Variants in MPRIP observed in about 807,000 individuals in gnomAD.
MPRIP encodes myosin phosphatase Rho-interacting protein.
A neutral mutation model predicts 234.9 loss-of-function variants in MPRIP; 59 were observed. That is an observed-to-expected ratio of 0.25 (90% confidence interval 0.20 to 0.31). The LOEUF is 0.31. MPRIP is among the 10% of genes least tolerant of loss of function. MPRIP has a pLI of 1.00. For missense variants in MPRIP, 2,436 were observed against 3,071.0 expected (o/e 0.79, Z 4.89); for synonymous variants, 1,144 against 1,263.9 (o/e 0.91, Z 2.01).
At chr17:17,173,807 G>C (rs777758891) in intron 18 of MPRIP, 109 bp from the exon 19 acceptor site, 11 of 1,283,284 alleles carry the variant, frequency 8.6e-6, no homozygotes, top group Non-Finnish European at 1.1e-5. Flanking sequence ...ACAACAGACT[G>C]TGTGGGCCTG....
rs983203972 is a variant in MPRIP at position 17,167,294 on chromosome 17, G to C, written c.5703G>C (p.Glu1901Asp). The C allele has an allele frequency of 7.7e-7, 1 of 1,304,076 alleles. No homozygotes were observed. The highest frequency in any genetic ancestry group is 1.2e-5 in the South Asian group (1 of 81,032). The allele number at this position is 1,304,076 out of a possible 1,614,324, so 80.8% of individuals were successfully genotyped here. A position where few individuals can be genotyped will look rare whatever the true frequency, so the allele number is the denominator to read the frequency against. Residue 1901 changes from glutamate (E) to aspartate (D), a missense_variant, in exon 16 of 24, where the codon GAG (glutamate) becomes GAC (aspartate). Physicochemically the swap from Glu to Asp is conservative, Grantham distance 45. Coordinates refer to ENST00000651222, the MANE Select transcript of MPRIP (RefSeq NM_001364716.4). This position sits in a 1 kb window ranked among gnomAD's most constrained non-coding sequence, Gnocchi z 5.9. ...YEELLRKQKS[E>D]YLDVIAIVER... is the part of the protein sequence containing the mutation. ...AGCTTCTCCGCAAGCAGAAGAGCGA[G>C]TACCTGGATGTGATCGCCATTGTTG...
In MPRIP at chr17:17,158,377, G is replaced by C; in HGVS notation, c.1830-55G>C. On this transcript the variant is annotated intron_variant, in intron 13 of 23. Transcript: ENST00000651222. Reference sequence around the variant, plus strand: ...GCTCAGCATTGCCAGCTTCTGCCTGGCAGGCCACACCAGAGCCGCCCCTGA... The same window carrying C: ...GCTCAGCATTGCCAGCTTCTGCCTGCCAGGCCACACCAGAGCCGCCCCTGA... 2.1e-6 allele frequency: 3 copies of C among 1,458,128 alleles called. No homozygotes were observed. The South Asian group carries it at 4.2e-5, about 20-fold the overall frequency. 90.3% of individuals were successfully genotyped at this position (1,458,128 alleles called of 1,614,324 possible).
intron 19 of MPRIP, among the ~76,000 whole-genome samples, chr17:17,174,786 G>A (rs1306386321): frequency 4.1e-5 from 6 of 146,748 alleles, no homozygotes; most frequent in Admixed American, 3.4e-4. Flanking sequence ...GTGACAGAGC[G>A]AGACTCCGTC....
chr17:17,130,626 G>A (rs1188107604), intron 4 of MPRIP, among the ~76,000 whole-genome samples: 1 of 152,030 alleles, frequency 6.6e-6, no homozygotes, highest in Non-Finnish European at 1.5e-5. Context: ...GCCCAGCGTG[G>A]ACCCTGGTGC....
chr17:17,143,439 G>A, intron 8 of MPRIP, 117 bp from the exon 9 acceptor site: 1 of 595,926 alleles, frequency 1.7e-6, no homozygotes, highest in South Asian at 2.8e-5. Context: ...GCAGATCACT[G>A]CCCCTCGCCA....
rs979838642 is a variant in MPRIP at position 17,176,598 on chromosome 17, C to T, written c.6957+86C>T. On this transcript the variant is annotated intron_variant, in intron 21 of 23. Coordinates refer to ENST00000651222, the MANE Select transcript of MPRIP (RefSeq NM_001364716.4). ...CCTGAACTCAGGCTGGTGCTCAGCG[C>T]GGGCTCTTCTGAAGCAGATTTTACT... 58 of 1,058,524 alleles carry T rather than the reference C, an allele frequency of 5.5e-5. 1 individual carries two copies. The highest frequency in any genetic ancestry group is 1.9e-4 in the East Asian group (8 of 42,114). 65.6% of individuals were successfully genotyped at this position (1,058,524 alleles called of 1,614,324 possible). A position where few individuals can be genotyped will look rare whatever the true frequency, so the allele number is the denominator to read the frequency against.
intron 1 of MPRIP, among the ~76,000 whole-genome samples, chr17:17,069,929 A>G (rs1213181173): frequency 6.6e-6 from 1 of 152,138 alleles, no homozygotes; most frequent in East Asian, 1.9e-4. Context: ...CCATTTTGCT[A>G]GGGGTAAGTC....
At chr17:17,143,814 C>G (rs1426398059) in intron 9 of MPRIP, 145 bp downstream of exon 9, 1 of 462,360 alleles carries the variant, frequency 2.2e-6, no homozygotes, top group African/African-American at 2.0e-5. Flanking sequence ...CACCCACCGA[C>G]CCACAGGCCG....
At chr17:17,053,362 A>G (rs1466984753) in intron 1 of MPRIP, among the ~76,000 whole-genome samples, 2 of 152,142 alleles carry the variant, frequency 1.3e-5, no homozygotes, top group Non-Finnish European at 2.9e-5. Flanking sequence ...TTGGGTCCTG[A>G]TGAGGATGCA....
chr17:17,167,325 G>A lies in MPRIP; in HGVS notation c.5734G>A (p.Glu1912Lys), dbSNP rs1312571699. 5 of 1,304,108 alleles carry A rather than the reference G, an allele frequency of 3.8e-6. No homozygotes were observed. Among genetic ancestry groups the A allele is most frequent in the Middle Eastern group, 2.1e-4 (1 of 4,698 alleles). 80.8% of individuals were successfully genotyped at this position (1,304,108 alleles called of 1,614,324 possible). The change falls in exon 16 of 24, where the codon GAG (glutamate) becomes AAG (lysine). Residue 1912 changes from glutamate to lysine, a missense_variant. Around this residue, in one of 4 missense-constraint regions of MPRIP, gnomAD observed 1,998 missense variants for 2,520.3 expected, o/e 0.79. Coordinates refer to ENST00000651222, the MANE Select transcript of MPRIP (RefSeq NM_001364716.4). The surrounding 1 kb of genome is among the most constrained non-coding windows in gnomAD (Gnocchi z 5.9). ...GGATGTGATCGCCATTGTTGAAAGGGAGAATGCAGAGCTCAAGGCCAAGGC... is the reference window on the plus strand; with the variant it reads ...GGATGTGATCGCCATTGTTGAAAGGAAGAATGCAGAGCTCAAGGCCAAGGC... ...YLDVIAIVER[E>K]NAELKAKAAQ...
At chr17:17,184,527 G>A (rs1300611223) in intron 23 of MPRIP, among the ~76,000 whole-genome samples, 1 of 152,236 alleles carries the variant, frequency 6.6e-6, no homozygotes, top group East Asian at 1.9e-4. Context: ...GGCTGGATTC[G>A]TTTGATCACT....
At chr17:17,181,213 CAA>C (rs1167565054) in intron 23 of MPRIP, among the ~76,000 whole-genome samples, 1 of 151,360 alleles carries the variant, frequency 6.6e-6, no homozygotes, top group South Asian at 2.1e-4. Flanking sequence ...TTTAATAAAA[CAA>C]AAGCTTCTCA....
intron 13 of MPRIP, 78 bp downstream of exon 13, chr17:17,154,493 G>C: frequency 1.6e-6 from 2 of 1,229,296 alleles, no homozygotes; most frequent in Non-Finnish European, 2.4e-6. Context: ...TCAGACTCAG[G>C]TCTGAAGTCT....
At chr17:17,112,354 G>A (rs1283533803) in intron 3 of MPRIP, among the ~76,000 whole-genome samples, 3 of 152,102 alleles carry the variant, frequency 2.0e-5, no homozygotes, top group Admixed American at 1.3e-4. Flanking sequence ...CATCCCACAA[G>A]TGCCCATCTC....
intron 3 of MPRIP, among the ~76,000 whole-genome samples, chr17:17,125,931 C>G (rs2090482208): frequency 6.6e-6 from 1 of 152,128 alleles, no homozygotes; most frequent in Non-Finnish European, 1.5e-5. Flanking sequence ...CCATGGCAAC[C>G]CATCTGCTCT....
rs1288703321 is a variant in MPRIP at position 17,162,583 on chromosome 17, G to A, written c.2517+1227G>A. Reference sequence around the variant, plus strand: ...GACCTGGTGAACAGGGCCTCCCTGTGGGCCTCCCTGCCAAGGTCATTTGCG... The same window carrying A: ...GACCTGGTGAACAGGGCCTCCCTGTAGGCCTCCCTGCCAAGGTCATTTGCG... On this transcript the variant is annotated intron_variant, in intron 15 of 23. Transcript: ENST00000651222. Among the ~76,000 whole-genome samples, 8 of 152,302 alleles carry A rather than the reference G, an allele frequency of 5.3e-5. No individual in the cohort carries two copies. In the East Asian group the frequency reaches 1.5e-3, roughly 29 times the overall value.
intron 13 of MPRIP, among the ~76,000 whole-genome samples, chr17:17,154,964 C>G (rs2045694976): frequency 6.6e-6 from 1 of 152,180 alleles, no homozygotes; most frequent in South Asian, 2.1e-4. Flanking sequence ...GGTTAAAGAC[C>G]TAGTTCTCAT....
At position 17,172,828 on chromosome 17, in the gene MPRIP, G is replaced by A. The variant is rs113008878; in HGVS notation, c.6590+13G>A. The A allele has an allele frequency of 1.9e-5, 30 of 1,606,830 alleles. No individual in the cohort carries two copies. Among genetic ancestry groups the A allele is most frequent in the African/African-American group, 1.3e-4 (10 of 74,962 alleles). ...GGCGCCAGTACCTGTAAGTGGCTGG[G>A]CCTGCCCATCTGCCCTTGGGAGGGC... On this transcript the variant is annotated intron_variant, in intron 18 of 23. Coordinates refer to ENST00000651222, the MANE Select transcript of MPRIP (RefSeq NM_001364716.4).
At chr17:17,090,668 A>G (rs909093298) in intron 3 of MPRIP, among the ~76,000 whole-genome samples, 1 of 152,190 alleles carries the variant, frequency 6.6e-6, no homozygotes, top group Non-Finnish European at 1.5e-5. Flanking sequence ...GTAAAAAGAA[A>G]TCACACACAA....
Sources: gnomAD v4.1 joint callset for allele counts (sites outside exome capture counted in the v4.1 genomes callset) on GRCh38, gnomAD v4.1.1 for gene constraint, gnomAD v4.1.1 regional missense constraint, Gnocchi (gnomAD v3.1) non-coding constraint, MANE v1.5 for transcripts, NCBI Gene and HGNC (gene_info 2026-07-23, HGNC 2026-07-21) for gene names.